The following FAM149A variants were observed in gnomAD, a reference collection of about 807,000 sequenced individuals.
FAM149A encodes the protein family with sequence similarity 149 member A.
Under a neutral mutation model 78.2 loss-of-function variants are expected in FAM149A, and 71 were observed. The observed-to-expected ratio is 0.91, with a 90% CI of 0.75 to 1.11. The LOEUF is 1.11. Among genes scored for constraint, FAM149A ranks in the 50% least tolerant of loss-of-function variants. The probability of loss-of-function intolerance (pLI) is 0.00; values close to 1 mark genes in which losing one functional copy is unlikely to be tolerated. For missense variants in FAM149A, 1,036 were observed against 971.0 expected, an observed-to-expected ratio of 1.07 and a Z score of -0.89; for synonymous variants, 446 against 410.5, an observed-to-expected ratio of 1.09 and a Z score of -1.04.
chr4:186,132,864 C>A, intron 1 of FAM149A: 1 of 575,460 alleles, frequency 1.7e-6, no homozygotes, highest in Non-Finnish European at 2.2e-6. Flanking sequence ...GCATCCTGAA[C>A]TGGGGTCCCA....
At position 186,105,625 on chromosome 4, in the gene FAM149A, C is replaced by G; in HGVS notation, c.549C>G (p.Asp183Glu). The change falls in exon 1 of 14, where the codon GAC (aspartate) becomes GAG (glutamate). Residue 183 changes from aspartate to glutamate, a missense_variant. By Grantham distance (45) the Asp-to-Glu change is conservative. Coordinates refer to ENST00000389354, the MANE Select transcript of FAM149A (RefSeq NM_001367768.3). The stretch of plus-strand genomic sequence containing the variant: ...GCGAGGAGGGGGCCTCGGACGGCGA[C>G]TCCGGGGATGGCGAAGCGTGAGTAG... 1 of 1,059,384 alleles carries G rather than the reference C, an allele frequency of 9.4e-7. No homozygotes were observed. The highest frequency in any genetic ancestry group is 1.1e-6 in the Non-Finnish European group (1 of 871,558). The allele number at this position is 1,059,384 out of a possible 1,614,324, so 65.6% of individuals were successfully genotyped here.
At chr4:186,157,324 T>A (rs2126496322) in intron 7 of FAM149A, among the ~76,000 whole-genome samples, 1 of 152,324 alleles carries the variant, frequency 6.6e-6, no homozygotes, top group African/African-American at 2.4e-5. Context: ...TAGTTGGGCT[T>A]TATCATGTGC....
chr4:186,146,596 C>T (rs1733057061), intron 1 of FAM149A: 2 of 853,074 alleles, frequency 2.3e-6, no homozygotes, highest in Non-Finnish European at 2.8e-6. Flanking sequence ...TCGCATGCGT[C>T]CCATTTTGAA....
At chr4:186,165,272 C>T (rs1239855941) in intron 10 of FAM149A, 72 bp from the exon 11 acceptor site, 2 of 1,564,804 alleles carry the variant, frequency 1.3e-6, no homozygotes, top group Admixed American at 3.3e-5. Flanking sequence ...AATCACAGCT[C>T]TTGGCAGATT....
In FAM149A at chr4:186,165,401, C is replaced by T. The variant is rs1416504194; in HGVS notation, c.1947C>T (p.Phe649=). Residue 649 remains phenylalanine (F), a synonymous_variant, in exon 11 of 14, where the codon TTC becomes TTT. Coordinates refer to ENST00000389354, the MANE Select transcript of FAM149A (RefSeq NM_001367768.3). Reference sequence around the variant, plus strand: ...TGGTTCAAACGTCACGGAGCAGGTTCCCCCCGCTAGTCACGGAGACCAGGG... The same window carrying T: ...TGGTTCAAACGTCACGGAGCAGGTTTCCCCCGCTAGTCACGGAGACCAGGG... The T allele has an allele frequency of 3.1e-6, 5 of 1,613,576 alleles. No individual in the cohort carries two copies. The highest frequency in any genetic ancestry group is 3.4e-6 in the Non-Finnish European group (4 of 1,179,606).
At chr4:186,132,234 G>A in intron 1 of FAM149A, 1 of 984,700 alleles carries the variant, frequency 1.0e-6, no homozygotes. Flanking sequence ...CATCAGTATT[G>A]TCATGAGACA....
chr4:186,115,392 G>A (rs1258990400), intron 1 of FAM149A, among the ~76,000 whole-genome samples: 2 of 149,700 alleles, frequency 1.3e-5, no homozygotes, highest in Non-Finnish European at 1.5e-5. Context: ...CCTTCTCTCA[G>A]CTCGTCAAAG....
intron 1 of FAM149A, chr4:186,116,282 C>A: frequency 5.5e-6 from 1 of 180,228 alleles, no homozygotes; most frequent in Non-Finnish European, 1.0e-5. Context: ...CACTGACCTG[C>A]GCCCACTGTC....
chr4:186,150,445 A>T (rs1426303887), intron 3 of FAM149A, among the ~76,000 whole-genome samples: 4 of 86,908 alleles, frequency 4.6e-5, no homozygotes, highest in African/African-American at 1.8e-4. Flanking sequence ...TTTGAGACGG[A>T]GTCTCGCTCT....
Position 186,105,041 on chromosome 4 carries a change from G to GGGC in FAM149A, c.-28_-26dup. On this transcript the variant is annotated 5_prime_UTR_variant, in exon 1 of 14. Transcript: ENST00000389354. ...CCGGATCTCCGCGGTCTGAACTCTC[G>GGGC]GGCGGCGGCGAGGACGGCGTGTCCA... The GGGC allele has an allele frequency of 7.9e-7, 1 of 1,263,332 alleles. No individual in the cohort carries two copies. The highest frequency in any genetic ancestry group is 1.0e-6 in the Non-Finnish European group (1 of 977,616). 78.3% of individuals were successfully genotyped at this position (1,263,332 alleles called of 1,614,324 possible).
intron 1 of FAM149A, chr4:186,110,149 A>C: frequency 1.0e-6 from 1 of 985,436 alleles, no homozygotes; most frequent in African/African-American, 1.7e-5. Flanking sequence ...ACATTTAGCA[A>C]ATATTTATTG....
intron 1 of FAM149A, chr4:186,125,926 G>C (rs1192998263): frequency 2.0e-6 from 2 of 985,356 alleles, no homozygotes; most frequent in African/African-American, 3.5e-5. Context: ...ACTCGCACTG[G>C]CAAGAGCGCG....
At chr4:186,153,553 C>A in intron 4 of FAM149A, 92 bp from the exon 5 acceptor site, 1 of 1,525,252 alleles carries the variant, frequency 6.6e-7, no homozygotes, top group Non-Finnish European at 8.9e-7. Flanking sequence ...CATACACATG[C>A]CTTCAAAATC....
At chr4:186,156,319 A>G in intron 7 of FAM149A, 129 bp downstream of exon 7, 1 of 668,336 alleles carries the variant, frequency 1.5e-6, no homozygotes, top group Non-Finnish European at 2.6e-6. Context: ...TTCTGACTTT[A>G]CTCATGAGTG....
At chr4:186,116,775 T>A in intron 1 of FAM149A, 1 of 981,776 alleles carries the variant, frequency 1.0e-6, no homozygotes, top group Non-Finnish European at 1.2e-6. Context: ...TTAGCAGTTA[T>A]ATGTTTTTTT....
At chr4:186,149,444 C>G (rs1396861095) in intron 2 of FAM149A, 122 bp from the exon 3 acceptor site, 1 of 1,116,484 alleles carries the variant, frequency 9.0e-7, no homozygotes, top group African/African-American at 1.6e-5. Context: ...AATTAGTATA[C>G]TGTGAAATTA....
At chr4:186,148,629 T>C (rs941834834) in intron 1 of FAM149A, among the ~76,000 whole-genome samples, 3 of 152,242 alleles carry the variant, frequency 2.0e-5, no homozygotes, top group African/African-American at 7.2e-5. Flanking sequence ...TAAATTTTAA[T>C]ATCTTCTAAC....
In FAM149A at chr4:186,149,399, C is replaced by T. The variant is rs1174149930; in HGVS notation, c.677+116C>T. On this transcript the variant is annotated intron_variant, in intron 2 of 13. Coordinates refer to ENST00000389354, the MANE Select transcript of FAM149A (RefSeq NM_001367768.3). The stretch of plus-strand genomic sequence containing the variant: ...AAGTAAGATGCAGTTTTATTTTTAA[C>T]CTAGTGTAAACATCACACTGTAAAA... 11 of 1,117,586 alleles carry T rather than the reference C, an allele frequency of 9.8e-6. No homozygotes were observed. The East Asian group carries it at 6.5e-4, about 66-fold the overall frequency. 69.2% of individuals were successfully genotyped at this position (1,117,586 alleles called of 1,614,324 possible).
intron 1 of FAM149A, chr4:186,109,705 G>T (rs933518922): frequency 1.0e-6 from 1 of 982,260 alleles, no homozygotes; most frequent in East Asian, 1.1e-4. Flanking sequence ...TCTTGGCACA[G>T]AAATGAAAAT....
Sources: gnomAD v4.1 joint callset for allele counts (sites outside exome capture counted in the v4.1 genomes callset) on GRCh38, gnomAD v4.1.1 for gene constraint, MANE v1.5 for transcripts, NCBI Gene and HGNC (gene_info 2026-07-23, HGNC 2026-07-21) for gene names.